The following PCGF5 variants were observed in gnomAD, a reference collection of about 807,000 sequenced individuals.
PCGF5 encodes the protein polycomb group ring finger 5.
PCGF5 carries 9 observed loss-of-function variants against 44.3 expected under a neutral mutation model. That is an observed-to-expected ratio of 0.20 (90% confidence interval 0.12 to 0.35). The LOEUF (loss-of-function observed/expected upper bound fraction) is 0.35. Among genes scored for constraint, PCGF5 ranks in the 10% least tolerant of loss-of-function variants. The pLI is 1.00. For synonymous variants in PCGF5, 95 were observed against 102.5 expected (o/e 0.93, Z 0.44); for missense variants, 146 against 305.3 (o/e 0.48, Z 3.89).
chr10:91,241,721 G>C (rs1024128878), intron 3 of PCGF5, among the ~76,000 whole-genome samples: 5 of 151,434 alleles, frequency 3.3e-5, no homozygotes, highest in Non-Finnish European at 5.9e-5. Context: ...GATAGTCTCT[G>C]GAACCTTTCA....
intron 1 of PCGF5, among the ~76,000 whole-genome samples, chr10:91,168,903 G>A (rs1228034536): frequency 7.6e-6 from 1 of 130,730 alleles, no homozygotes; most frequent in Non-Finnish European, 1.5e-5. Flanking sequence ...ACTCCAGCCT[G>A]GGCGACAGTG....
At chr10:91,249,792 A>C (rs548120057) in intron 5 of PCGF5, among the ~76,000 whole-genome samples, 118 of 151,680 alleles carry the variant, frequency 7.8e-4, no homozygotes, top group Middle Eastern at 3.4e-3. Flanking sequence ...ACAACAACAA[A>C]AAAATGGCAA....
In PCGF5 at chr10:91,242,389, A is replaced by T. The variant is rs779901364; in HGVS notation, c.209+1809A>T. ...TAATGAAAGATTATTACCAACTGTT[A>T]AAATCTATAATAACTTATTTTTATT... is the stretch of plus-strand genomic sequence containing the variant. On this transcript the variant is annotated intron_variant, in intron 3 of 9. Coordinates refer to ENST00000336126, the MANE Select transcript of PCGF5 (RefSeq NM_032373.5). 1.5e-3 allele frequency among the ~76,000 whole-genome samples: 233 copies of T among 151,288 alleles called. 5 individuals carry two copies. The highest frequency in any genetic ancestry group is 9.8e-4 in the Admixed American group (15 of 15,236).
Position 91,279,086 on chromosome 10 carries a change from A to T in PCGF5, c.*770A>T, listed in dbSNP as rs1846385817. 6.6e-6 allele frequency: 1 copy of T among 152,390 alleles called. No individual in the cohort carries two copies. The highest frequency in any genetic ancestry group is 1.5e-5 in the Non-Finnish European group (1 of 68,020). 9.4% of individuals were successfully genotyped at this position (152,390 alleles called of 1,614,324 possible). On this transcript the variant is annotated 3_prime_UTR_variant, in exon 10 of 10. Transcript: ENST00000336126. ...ATAAAAGTAATGTGTAAGTAAGGTT[A>T]ATCTTCTTTCATAATGCCTTATGAC...
rs1299535041 is a variant in PCGF5, at chr10:91,281,735, A to G, written c.*3419A>G. On this transcript the variant is annotated 3_prime_UTR_variant, in exon 10 of 10. Coordinates refer to ENST00000336126, the MANE Select transcript of PCGF5 (RefSeq NM_032373.5). ...ATTAATTGCTAAAATATCACCAAAG[A>G]AAGGCTTTAAACTGAATTTTCTTGG... The G allele has an allele frequency of 2.6e-5, 4 of 152,484 alleles. No individual in the cohort carries two copies. The highest frequency in any genetic ancestry group is 5.9e-5 in the Non-Finnish European group (4 of 68,030). The allele number at this position is 152,484 out of a possible 1,614,324, so 9.4% of individuals were successfully genotyped here.
chr10:91,270,242 A>C (rs775948318), intron 8 of PCGF5, among the ~76,000 whole-genome samples: 1 of 151,986 alleles, frequency 6.6e-6, no homozygotes, highest in Non-Finnish European at 1.5e-5. Flanking sequence ...ATTTAGTTTT[A>C]TCTCTTCCAG....
At chr10:91,198,079 C>T (rs1224972029) in intron 1 of PCGF5, among the ~76,000 whole-genome samples, 1 of 152,194 alleles carries the variant, frequency 6.6e-6, no homozygotes, top group African/African-American at 2.4e-5. Context: ...AACATTTTTA[C>T]TTTTCAGGCA....
At chr10:91,236,650 G>T (rs1386063425) in intron 2 of PCGF5, among the ~76,000 whole-genome samples, 3 of 152,220 alleles carry the variant, frequency 2.0e-5, no homozygotes, top group Admixed American at 6.5e-5. Flanking sequence ...GTGCTGTACT[G>T]CTAGTATGGA....
At chr10:91,261,887 T>C (rs10509624) in intron 7 of PCGF5, among the ~76,000 whole-genome samples, 19,864 of 152,208 alleles carry the variant, frequency 0.13, 2,432 homozygotes, top group African/African-American at 0.32. Flanking sequence ...TAGCAGTAGA[T>C]ATAACCAACA....
intron 2 of PCGF5, among the ~76,000 whole-genome samples, chr10:91,236,060 C>T (rs1455470635): frequency 6.6e-6 from 1 of 152,018 alleles, no homozygotes; most frequent in Non-Finnish European, 1.5e-5. Flanking sequence ...CCTGGATGAC[C>T]AGAGTAAGAC....
At chr10:91,199,233 G>T (rs10881901) in intron 1 of PCGF5, among the ~76,000 whole-genome samples, 117,274 of 152,114 alleles carry the variant, frequency 0.77, 47,347 homozygotes, top group South Asian at 0.88. Context: ...CACAGGTTGG[G>T]TTCCCTGGGA....
chr10:91,221,654 T>C (rs1844682318), intron 1 of PCGF5, among the ~76,000 whole-genome samples: 1 of 152,046 alleles, frequency 6.6e-6, no homozygotes, highest in Non-Finnish European at 1.5e-5. Flanking sequence ...AGTTCCTGTT[T>C]ATAGAATGCA....
At chr10:91,201,023 G>A (rs1844241963) in intron 1 of PCGF5, among the ~76,000 whole-genome samples, 1 of 152,060 alleles carries the variant, frequency 6.6e-6, no homozygotes, top group South Asian at 2.1e-4. Flanking sequence ...AGTGTGAAGT[G>A]GAACTCCTGA....
upstream of PCGF5, among the ~76,000 whole-genome samples, chr10:91,160,872 C>T (rs1843371262): frequency 1.3e-5 from 2 of 152,178 alleles, no homozygotes; most frequent in Admixed American, 1.3e-4. Context: ...AAGAGGCAAC[C>T]AGGTGCAGCA....
intron 9 of PCGF5, among the ~76,000 whole-genome samples, chr10:91,275,158 T>C (rs1441437618): frequency 2.0e-5 from 3 of 152,090 alleles, no homozygotes; most frequent in African/African-American, 7.2e-5. Context: ...ATGTTATTAA[T>C]ACATAAAGAA....
rs1846371933 is a variant in PCGF5 at position 91,278,500 on chromosome 10, T to C, written c.*184T>C. 1.3e-5 allele frequency: 8 copies of C among 604,646 alleles called. No homozygotes were observed. Among genetic ancestry groups the C allele is most frequent in the Non-Finnish European group, 2.4e-5 (8 of 334,492 alleles). The allele number at this position is 604,646 out of a possible 1,614,324, so 37.5% of individuals were successfully genotyped here. On this transcript the variant is annotated 3_prime_UTR_variant, in exon 10 of 10. Transcript: ENST00000336126. ...TTGTTTCTATTAGGAGCAAACCAAG[T>C]GCCATTCTGCTACTGAACCATCTGC...
intron 8 of PCGF5, among the ~76,000 whole-genome samples, chr10:91,267,655 T>C (rs944901770): frequency 3.3e-5 from 5 of 152,228 alleles, no homozygotes; most frequent in Non-Finnish European, 7.3e-5. Flanking sequence ...ATTATTATAA[T>C]ATTAATAGAT....
At chr10:91,200,056 G>A (rs531345242) in intron 1 of PCGF5, among the ~76,000 whole-genome samples, 72 of 152,332 alleles carry the variant, frequency 4.7e-4, no homozygotes, top group African/African-American at 1.6e-3. Flanking sequence ...AGGGAAATTG[G>A]GTTACTTGCC....
At chr10:91,173,808 T>G (rs1301188776) in intron 1 of PCGF5, among the ~76,000 whole-genome samples, 1 of 152,130 alleles carries the variant, frequency 6.6e-6, no homozygotes, top group East Asian at 1.9e-4. Flanking sequence ...TTCTTCAGGC[T>G]AAGGATCTTC....
Sources: allele counts gnomAD v4.1 joint callset (sites outside exome capture counted in the v4.1 genomes callset), GRCh38; gene constraint gnomAD v4.1.1; transcripts MANE v1.5; gene names NCBI Gene and HGNC (gene_info 2026-07-23, HGNC 2026-07-21).